The following KAZN variants were observed in gnomAD, a reference collection of about 807,000 sequenced individuals.
The protein encoded by KAZN is kazrin.
In KAZN, 40 loss-of-function variants were observed where a neutral mutation model predicts 87.4. The observed-to-expected ratio is 0.46, with a 90% confidence interval of 0.36 to 0.60. KAZN has a LOEUF of 0.60. Ranked by LOEUF, KAZN falls within the 20% of genes least tolerant of loss-of-function variation. The pLI is 0.00. For synonymous variants in KAZN, 466 were observed against 458.3 expected, an observed-to-expected ratio of 1.02 and a Z score of -0.22; for missense variants, 898 against 1,073.9, an observed-to-expected ratio of 0.84 and a Z score of 2.29.
chr1:14,591,171 GCC>G (rs75552123), intron 2 of KAZN, among the ~76,000 whole-genome samples: 22 of 147,500 alleles, frequency 1.5e-4, no homozygotes, highest in South Asian at 4.4e-4. Flanking sequence ...ATCAAATAGT[GCC>G]CCCCCCCCAT....
At chr1:14,935,367 A>G (rs1557637489) in intron 1 of KAZN, among the ~76,000 whole-genome samples, 2 of 152,110 alleles carry the variant, frequency 1.3e-5, no homozygotes, top group African/African-American at 4.8e-5. Context: ...TCCTAGCATC[A>G]GGGGCCCTAC....
At chr1:14,607,459 A>T (rs1213677566) in intron 1 of KAZN, among the ~76,000 whole-genome samples, 1 of 152,178 alleles carries the variant, frequency 6.6e-6, no homozygotes, top group South Asian at 2.1e-4. Context: ...TTTTCCCATT[A>T]CTGCCCAAGA....
intron 1 of KAZN, among the ~76,000 whole-genome samples, chr1:14,074,209 T>A (rs1643355949): frequency 6.6e-6 from 1 of 152,186 alleles, no homozygotes; most frequent in Non-Finnish European, 1.5e-5. Flanking sequence ...AAGCCAGGTT[T>A]GAACACAGCG....
chr1:14,166,737 T>A (rs16853658), intron 1 of KAZN, among the ~76,000 whole-genome samples: 22,128 of 152,228 alleles, frequency 0.15, 1,795 homozygotes, highest in East Asian at 0.33. Context: ...TACAATTCAC[T>A]TACTAATTGT....
At chr1:15,091,532 A>T (rs1362901723) in intron 8 of KAZN, among the ~76,000 whole-genome samples, 4 of 152,102 alleles carry the variant, frequency 2.6e-5, no homozygotes, top group African/African-American at 9.7e-5. Flanking sequence ...TTGTAATTTT[A>T]GTAGAGATGG....
At chr1:14,449,294 G>T (rs1314530417) in intron 2 of KAZN, among the ~76,000 whole-genome samples, 3 of 152,148 alleles carry the variant, frequency 2.0e-5, no homozygotes, top group African/African-American at 7.2e-5. Flanking sequence ...TGGAATGGCT[G>T]CTGGCCATCC....
intron 1 of KAZN, among the ~76,000 whole-genome samples, chr1:14,609,854 G>T (rs1395168919): frequency 1.3e-5 from 2 of 152,238 alleles, no homozygotes; most frequent in East Asian, 3.9e-4. Flanking sequence ...TCTAAGATTG[G>T]TGAGCTGGTT....
chr1:14,693,282 C>G (rs1042387838), intron 1 of KAZN, among the ~76,000 whole-genome samples: 3 of 152,184 alleles, frequency 2.0e-5, no homozygotes, highest in African/African-American at 4.8e-5. Context: ...GCAGTTGTTT[C>G]TCCCGGCAAC....
intron 2 of KAZN, among the ~76,000 whole-genome samples, chr1:14,362,471 T>G (rs550575282): frequency 6.6e-6 from 1 of 152,328 alleles, no homozygotes; most frequent in South Asian, 2.1e-4. Context: ...CTTCACTATA[T>G]TTTGTTAGTA....
chr1:14,195,206 C>T (rs776121182), intron 2 of KAZN, among the ~76,000 whole-genome samples: 6 of 152,052 alleles, frequency 3.9e-5, no homozygotes, highest in Non-Finnish European at 7.4e-5. Context: ...ACTGATAAGG[C>T]TGTTCCTTCT....
chr1:14,545,698 G>T (rs1010702198), intron 2 of KAZN, among the ~76,000 whole-genome samples: 3 of 152,174 alleles, frequency 2.0e-5, no homozygotes, highest in African/African-American at 7.2e-5. Flanking sequence ...GTTCATCCAT[G>T]CTACATGCTC....
intron 2 of KAZN, among the ~76,000 whole-genome samples, chr1:14,387,606 G>C (rs920191406): frequency 6.6e-6 from 1 of 152,188 alleles, no homozygotes; most frequent in African/African-American, 2.4e-5. Flanking sequence ...CTTGGGGGGT[G>C]CCTCCCAGTT....
At chr1:14,302,223 G>A (rs1373973600) in intron 2 of KAZN, among the ~76,000 whole-genome samples, 2 of 152,186 alleles carry the variant, frequency 1.3e-5, no homozygotes, top group Admixed American at 1.3e-4. Flanking sequence ...ACAAGTTTGG[G>A]AGCTGCAGTC....
chr1:14,753,322 A>T (rs1280620550), intron 1 of KAZN, among the ~76,000 whole-genome samples: 1 of 152,188 alleles, frequency 6.6e-6, no homozygotes, highest in Admixed American at 6.5e-5. Context: ...ATGAGGAGAA[A>T]CTAGGTTTAC....
At chr1:13,931,729 A>G (rs1640522237) in intron 1 of KAZN, among the ~76,000 whole-genome samples, 1 of 152,200 alleles carries the variant, frequency 6.6e-6, no homozygotes, top group Non-Finnish European at 1.5e-5. Context: ...TAATTCTTAT[A>G]TGTAGCTTAG....
chr1:14,980,236 C>T (rs1368076520), intron 2 of KAZN, among the ~76,000 whole-genome samples: 1 of 152,202 alleles, frequency 6.6e-6, no homozygotes, highest in African/African-American at 2.4e-5. Context: ...AAATATTTTA[C>T]TAAGCTTAGA....
rs143370419 is a variant in KAZN, at chr1:14,605,463, A to G, written c.226+6240A>G. 4.9e-3 allele frequency among the ~76,000 whole-genome samples: 748 copies of G among 152,332 alleles called. 6 individuals carry two copies. The highest frequency in any genetic ancestry group is 0.017 in the African/African-American group (686 of 41,564). The stretch of plus-strand genomic sequence containing the variant: ...CCGGAAGCCTTATGATAACGTAAAC[A>G]TAGCATAATATAAACAGTTAACAGA... On this transcript the variant is annotated intron_variant, in intron 1 of 14. Transcript: ENST00000376030.
intron 1 of KAZN, among the ~76,000 whole-genome samples, chr1:14,688,738 G>C (rs1038164692): frequency 3.3e-5 from 5 of 152,250 alleles, no homozygotes; most frequent in African/African-American, 1.2e-4. Flanking sequence ...CAAGGACACT[G>C]AATGGTCAGG....
At chr1:14,439,775 C>A (rs1048965077) in intron 2 of KAZN, among the ~76,000 whole-genome samples, 1 of 152,184 alleles carries the variant, frequency 6.6e-6, no homozygotes, top group South Asian at 2.1e-4. Flanking sequence ...AACGCTTTGA[C>A]CTTTTCTTTT....
Sources: allele counts gnomAD v4.1 joint callset (sites outside exome capture counted in the v4.1 genomes callset), GRCh38; gene constraint gnomAD v4.1.1; transcripts MANE v1.5; gene names NCBI Gene and HGNC (gene_info 2026-07-23, HGNC 2026-07-21).